GIPR: variants seen among roughly 807,000 people sequenced by gnomAD.
The protein encoded by GIPR is GIP-R.
GIPR carries 74 observed loss-of-function variants against 62.2 expected under a neutral mutation model. That is an observed-to-expected ratio of 1.19 (90% CI 0.99 to 1.44). The LOEUF is 1.44. GIPR is among the 40% of genes most tolerant of loss of function. The pLI is 0.00. For missense variants in GIPR, 664 were observed against 611.8 expected (o/e 1.09, Z -0.90); for synonymous variants, 256 against 262.2 (o/e 0.98, Z 0.23).
chr19:45,672,859 G>A lies in GIPR; in HGVS notation c.289G>A (p.Gly97Ser), dbSNP rs750759798. 22 of 1,608,178 alleles carry A rather than the reference G, an allele frequency of 1.4e-5. No individual in the cohort carries two copies. Among genetic ancestry groups the A allele is most frequent in the Middle Eastern group, 1.6e-4 (1 of 6,074 alleles). Residue 97 changes from glycine (G) to serine (S), a missense_variant, in exon 5 of 14, where the codon GGT becomes AGT. Transcript: ENST00000590918. ...YLPWHHHVAA[G>S]FVLRQCGSDG... Reference sequence around the variant, plus strand: ...CTCTTCTTTCCCCACAGTGGCTGCAGGTTTCGTCCTCCGCCAGTGTGGCAG... The same window carrying A: ...CTCTTCTTTCCCCACAGTGGCTGCAAGTTTCGTCCTCCGCCAGTGTGGCAG...
intron 5 of GIPR, 46 bp from the exon 6 acceptor site, chr19:45,674,028 G>A (rs1330412162): frequency 9.1e-7 from 1 of 1,102,714 alleles, no homozygotes; most frequent in Non-Finnish European, 1.4e-6. Flanking sequence ...CTGGGCCTGG[G>A]GCTTCGAGCC....
intron 1 of GIPR, 59 bp from the exon 2 acceptor site, chr19:45,669,418 G>T: frequency 1.3e-6 from 2 of 1,487,068 alleles, no homozygotes; most frequent in Admixed American, 2.0e-5. Context: ...CTGAGGCGGG[G>T]TGACGCTGGG....
intron 9 of GIPR, 97 bp downstream of exon 9, chr19:45,677,480 A>C: frequency 2.3e-6 from 2 of 882,496 alleles, no homozygotes; most frequent in Non-Finnish European, 3.6e-6. Flanking sequence ...TCGGAAGGCT[A>C]TTCGGTGCTG....
Position 45,680,839 on chromosome 19 carries a change from CAAAAAAA to C in GIPR, c.1153-752_1153-746del, listed in dbSNP as rs10561788. 5.4e-4 allele frequency among the ~76,000 whole-genome samples: 60 copies of C among 111,424 alleles called. No individual in the cohort carries two copies. In the South Asian group the frequency reaches 0.015, roughly 27 times the overall value. 73.1% of individuals were successfully genotyped at this position (111,424 alleles called of 152,430 possible). The stretch of plus-strand genomic sequence containing the variant: ...GAGCAAGACTCTGTCTCCCTGTCTC[CAAAAAAA>C]AAAAAAAAAAAAGCAAAAAACAAAA... On this transcript the variant is annotated intron_variant, in intron 12 of 13. Coordinates refer to ENST00000590918, the MANE Select transcript of GIPR (RefSeq NM_000164.4).
At chr19:45,678,041 T>A in intron 11 of GIPR, 47 bp downstream of exon 11, 1 of 1,611,918 alleles carries the variant, frequency 6.2e-7, no homozygotes, top group Non-Finnish European at 8.5e-7. Context: ...GGGTGCGAGA[T>A]GGGGAACCAG....
intron 12 of GIPR, among the ~76,000 whole-genome samples, chr19:45,681,340 C>A (rs1403690523): frequency 6.6e-6 from 1 of 151,926 alleles, no homozygotes; most frequent in Non-Finnish European, 1.5e-5. Flanking sequence ...ACTAAAAATA[C>A]AAAAATTAGC....
chr19:45,671,224 T>C (rs373816270), intron 3 of GIPR, 61 bp from the exon 4 acceptor site: 6 of 937,194 alleles, frequency 6.4e-6, no homozygotes, highest in Admixed American at 3.5e-5. Flanking sequence ...CACTGCGCAG[T>C]AGCACTTGGC....
intron 7 of GIPR, chr19:45,675,085 A>C: frequency 1.3e-5 from 6 of 463,796 alleles, no homozygotes; most frequent in East Asian, 4.5e-5. Flanking sequence ...TCATTATTTC[A>C]CCCATCATTG....
At chr19:45,671,186 T>G (rs965084440) in intron 3 of GIPR, 99 bp from the exon 4 acceptor site, 20 of 781,260 alleles carry the variant, frequency 2.6e-5, no homozygotes, top group Admixed American at 8.8e-5. Context: ...GGAGAAGCAC[T>G]TGGCCCACTG....
intron 12 of GIPR, among the ~76,000 whole-genome samples, chr19:45,680,218 G>C (rs10404234): frequency 0.77 from 117,191 of 152,104 alleles, 45,301 homozygotes; most frequent in Admixed American, 0.84. Context: ...AAAAATTAGC[G>C]AGGCTAGGTG....
chr19:45,677,964 G>A lies in GIPR; in HGVS notation c.983G>A (p.Arg328Gln). The A allele has an allele frequency of 6.2e-7, 1 of 1,613,926 alleles. No individual in the cohort carries two copies. Among genetic ancestry groups the A allele is most frequent in the Non-Finnish European group, 8.5e-7 (1 of 1,180,030 alleles). Reference sequence around the variant, plus strand: ...ATTCTCCTGTCCAAGCTGAGGACACGGCAAATGCGCTGCCGGGATTACCGG... The same window carrying A: ...ATTCTCCTGTCCAAGCTGAGGACACAGCAAATGCGCTGCCGGGATTACCGG... ...LGILLSKLRT[R>Q]QMRCRDYRLR... Residue 328 changes from arginine to glutamine, a missense_variant, in exon 11 of 14, where the codon CGG (arginine) becomes CAG (glutamine). By Grantham distance (43) the Arg-to-Gln change is conservative (BLOSUM62 1). Coordinates refer to ENST00000590918, the MANE Select transcript of GIPR (RefSeq NM_000164.4).
chr19:45,674,471 G>T (rs1568521145), intron 6 of GIPR: 10 of 634,170 alleles, frequency 1.6e-5, no homozygotes, highest in Non-Finnish European at 2.8e-5. Flanking sequence ...TAGGCATACT[G>T]GTGGTGCACC....
rs187558495 is a variant in GIPR, at chr19:45,673,575, T to C, written c.385-499T>C. Reference sequence around the variant, plus strand: ...TGAAACTCCATCTCTACAAAAAATATAAAAATTTGGCCAGGAGTGGTGGCT... The same window carrying C: ...TGAAACTCCATCTCTACAAAAAATACAAAAATTTGGCCAGGAGTGGTGGCT... On this transcript the variant is annotated intron_variant, in intron 5 of 13. Coordinates refer to ENST00000590918, the MANE Select transcript of GIPR (RefSeq NM_000164.4). Among the ~76,000 whole-genome samples the C allele has an allele frequency of 3.8e-3, 567 of 150,692 alleles. 2 individuals are homozygous for C. Among genetic ancestry groups the C allele is most frequent in the African/African-American group, 0.013 (533 of 41,074 alleles).
At chr19:45,675,610 C>T (rs953571655) in intron 7 of GIPR, among the ~76,000 whole-genome samples, 2 of 148,936 alleles carry the variant, frequency 1.3e-5, no homozygotes, top group South Asian at 2.1e-4. Flanking sequence ...TAGCGTGGCC[C>T]GGCAGTGGCT....
At chr19:45,678,992 G>A (rs570962969) in intron 12 of GIPR, among the ~76,000 whole-genome samples, 14 of 152,190 alleles carry the variant, frequency 9.2e-5, no homozygotes, top group Admixed American at 3.3e-4. Context: ...CACCTCATTC[G>A]GCCTGTTTTC....
chr19:45,668,229 G>C lies in GIPR; in HGVS notation c.-114G>C, dbSNP rs1001954716. The C allele has an allele frequency of 2.9e-5, 2 of 68,028 alleles. No homozygotes were observed. Among genetic ancestry groups the C allele is most frequent in the African/African-American group, 1.0e-4 (2 of 19,114 alleles). 4.2% of individuals were successfully genotyped at this position (68,028 alleles called of 1,614,324 possible). A position where few individuals can be genotyped will look rare whatever the true frequency, so the allele number is the denominator to read the frequency against. On this transcript the variant is annotated 5_prime_UTR_variant, in exon 1 of 14. Transcript: ENST00000590918. Reference sequence around the variant, plus strand: ...CGCCTGTCACCTCTCCCAGAGCCGAGACAAGGCAGTTGGAGGCAGCGGTGG... The same window carrying C: ...CGCCTGTCACCTCTCCCAGAGCCGACACAAGGCAGTTGGAGGCAGCGGTGG...
At chr19:45,668,797 G>A (rs936074388) in intron 1 of GIPR, among the ~76,000 whole-genome samples, 1 of 152,212 alleles carries the variant, frequency 6.6e-6, no homozygotes, top group African/African-American at 2.4e-5. Flanking sequence ...ATCTAACCCC[G>A]GATCTGTCGC....
intron 12 of GIPR, chr19:45,678,473 C>T (rs977153551): frequency 2.0e-5 from 11 of 558,768 alleles, no homozygotes; most frequent in Admixed American, 1.5e-4. Flanking sequence ...AAGCGATTCT[C>T]CTGCCTCAGC....
At position 45,672,895 on chromosome 19, in the gene GIPR, T is replaced by C. The variant is rs761358733; in HGVS notation, c.325T>C (p.Trp109Arg). The C allele has an allele frequency of 1.2e-6, 2 of 1,613,530 alleles. No homozygotes were observed. Among genetic ancestry groups the C allele is most frequent in the South Asian group, 1.1e-5 (1 of 91,064 alleles). The change falls in exon 5 of 14, where the codon TGG becomes CGG. Residue 109 changes from tryptophan to arginine, a missense_variant. Physicochemically the swap from Trp to Arg is moderately radical, Grantham distance 101 (BLOSUM62 -3). Coordinates refer to ENST00000590918, the MANE Select transcript of GIPR (RefSeq NM_000164.4). ...VLRQCGSDGQ[W>R]GLWRDHTQCE... ...CCGCCAGTGTGGCAGTGATGGCCAA[T>C]GGGGACTTTGGAGAGACCATACACA...
Sources: allele counts gnomAD v4.1 joint callset (sites outside exome capture counted in the v4.1 genomes callset), GRCh38; gene constraint gnomAD v4.1.1; transcripts MANE v1.5; gene names NCBI Gene and HGNC (gene_info 2026-07-23, HGNC 2026-07-21).